The following MFAP2 variants were observed in gnomAD, a reference collection of about 807,000 sequenced individuals.
The protein encoded by MFAP2 is microfibrillar-associated protein 2.
In MFAP2, 23 loss-of-function variants were observed where a neutral mutation model predicts 30.6. The observed-to-expected ratio is 0.75, with a 90% CI of 0.54 to 1.07. MFAP2 has a LOEUF of 1.07. MFAP2 is among the 50% of genes least tolerant of loss of function. The pLI is 0.00. For synonymous variants in MFAP2, 73 were observed against 85.7 expected (o/e 0.85, Z 0.82); for missense variants, 198 against 223.8 (o/e 0.88, Z 0.74).
At chr1:16,980,829 C>G (rs2076633969), upstream of MFAP2, 1 of 152,754 alleles carries the variant, frequency 6.5e-6, no homozygotes, top group African/African-American at 2.4e-5. Flanking sequence ...CTGTGCAAAG[C>G]TTCCTCCTCC....
At position 16,975,404 on chromosome 1, in the gene MFAP2, C is replaced by T; in HGVS notation, c.375-62G>A. 6.4e-7 allele frequency: 1 copy of T among 1,566,818 alleles called. No homozygotes were observed. Among genetic ancestry groups the T allele is most frequent in the South Asian group, 1.1e-5 (1 of 87,696 alleles). On this transcript the variant is annotated intron_variant, in intron 7 of 8. Coordinates refer to ENST00000375535, the MANE Select transcript of MFAP2 (RefSeq NM_002403.4). The surrounding 1 kb of genome is among the most constrained non-coding windows in gnomAD (Gnocchi z 5.0). The stretch of plus-strand genomic sequence containing the variant: ...TCCACCCAATCCCACTGGGATAGCC[C>T]AGACAGAACCTGGCACGGGAGCCCG...
intron 1 of MFAP2, chr1:16,978,977 C>G (rs753055884): frequency 2.9e-4 from 44 of 152,358 alleles, no homozygotes; most frequent in Non-Finnish European, 4.8e-4. Flanking sequence ...CACAGGCTCA[C>G]GAGACCCGGG....
At position 16,975,810 on chromosome 1, in the gene MFAP2, G is replaced by T; in HGVS notation, c.287-80C>A. Reference sequence around the variant, plus strand: ...TCACCCACCTGAGGCTGGCTCACAGGGCCTAGTCCCCCCTGTACCTTCAGG... The same window carrying T: ...TCACCCACCTGAGGCTGGCTCACAGTGCCTAGTCCCCCCTGTACCTTCAGG... On this transcript the variant is annotated intron_variant, in intron 6 of 8. Coordinates refer to ENST00000375535, the MANE Select transcript of MFAP2 (RefSeq NM_002403.4). This position sits in a 1 kb window ranked among gnomAD's most constrained non-coding sequence, Gnocchi z 5.0. 1 of 1,241,608 alleles carries T rather than the reference G, an allele frequency of 8.1e-7. No homozygotes were observed. The highest frequency in any genetic ancestry group is 1.2e-6 in the Non-Finnish European group (1 of 862,256). The allele number at this position is 1,241,608 out of a possible 1,614,324, so 76.9% of individuals were successfully genotyped here.
At chr1:16,978,005 A>C (rs1570739730) in intron 2 of MFAP2, 1 of 499,164 alleles carries the variant, frequency 2.0e-6, no homozygotes, top group South Asian at 2.4e-5. Flanking sequence ...GCCCTCCAGA[A>C]CCCTGCCTGC....
At position 16,977,194 on chromosome 1, in the gene MFAP2, G is replaced by A. The variant is rs1417333263; in HGVS notation, c.42C>T (p.Gly14=). Reference sequence around the variant, plus strand: ...GGTCATACTGGCCCTGAGCCAGCAAGCCTGCTGTGGGGAGGCAAAGCATGT... The same window carrying A: ...GGTCATACTGGCCCTGAGCCAGCAAACCTGCTGTGGGGAGGCAAAGCATGT... The part of the protein sequence containing the change: ...AYLFLLFLPA[G]LLAQGQYDLD... The change falls in exon 3 of 9, where the codon GGC becomes GGT. Residue 14 remains glycine, a synonymous_variant. Transcript: ENST00000375535. 3.1e-6 allele frequency: 5 copies of A among 1,613,282 alleles called. No individual in the cohort carries two copies. Among genetic ancestry groups the A allele is most frequent in the African/African-American group, 1.3e-5 (1 of 74,916 alleles).
At chr1:16,980,952 C>T (rs2076634791), upstream of MFAP2, 1 of 152,836 alleles carries the variant, frequency 6.5e-6, no homozygotes, top group Non-Finnish European at 1.5e-5. Context: ...GTGACTCACC[C>T]TAGGCCCCTC....
intron 2 of MFAP2, 115 bp from the exon 3 acceptor site, chr1:16,977,313 C>G: frequency 1.1e-6 from 1 of 911,562 alleles, no homozygotes; most frequent in Non-Finnish European, 1.7e-6. Context: ...AGCCTAGGAC[C>G]CCACAAGCAG....
Position 16,975,186 on chromosome 1 carries a change from T to A in MFAP2, c.448+83A>T. ...GGCCTGGTGGATAATATGTGTTGAA[T>A]AAACATCAGGTGGGTGGCTAGGTGG... On this transcript the variant is annotated intron_variant, in intron 8 of 8. Coordinates refer to ENST00000375535, the MANE Select transcript of MFAP2 (RefSeq NM_002403.4). This position sits in a 1 kb window ranked among gnomAD's most constrained non-coding sequence, Gnocchi z 5.0. 7.2e-7 allele frequency: 1 copy of A among 1,391,400 alleles called. No individual in the cohort carries two copies. Among genetic ancestry groups the A allele is most frequent in the Non-Finnish European group, 1.0e-6 (1 of 990,792 alleles). The allele number at this position is 1,391,400 out of a possible 1,614,324, so 86.2% of individuals were successfully genotyped here. A position where few individuals can be genotyped will look rare whatever the true frequency, so the allele number is the denominator to read the frequency against.
rs778727924 is a variant in MFAP2, at chr1:16,975,674, T to G, written c.343A>C (p.Lys115Gln). The G allele has an allele frequency of 6.2e-7, 1 of 1,613,948 alleles. No homozygotes were observed. The highest frequency in any genetic ancestry group is 1.3e-5 in the African/African-American group (1 of 74,898). Residue 115 changes from lysine to glutamine, a missense_variant, in exon 7 of 9, where the codon AAA (lysine) becomes CAA (glutamine). Coordinates refer to ENST00000375535, the MANE Select transcript of MFAP2 (RefSeq NM_002403.4). This position sits in a 1 kb window ranked among gnomAD's most constrained non-coding sequence, Gnocchi z 5.0. ...TRLYSIHRPC[K>Q]QCLNEVCFYS... The stretch of plus-strand genomic sequence containing the variant: ...AAGCAGACCTCGTTGAGACACTGTT[T>G]GCAAGGCCTGTGTATGGAGTAGAGG...
At position 16,976,558 on chromosome 1, in the gene MFAP2, C is replaced by CA. The variant is rs2076593158; in HGVS notation, c.242-14dup. The stretch of plus-strand genomic sequence containing the variant: ...GCATTTCCTGGTTCTGGTGTGGAGA[C>CA]AGAGGTAGGCAGACATCACTGGGAG... On this transcript the variant is annotated splice_polypyrimidine_tract_variant and intron_variant, in intron 5 of 8. Coordinates refer to ENST00000375535, the MANE Select transcript of MFAP2 (RefSeq NM_002403.4). This position sits in a 1 kb window ranked among gnomAD's most constrained non-coding sequence, Gnocchi z 5.5. The CA allele has an allele frequency of 6.2e-7, 1 of 1,614,196 alleles. No individual in the cohort carries two copies. The highest frequency in any genetic ancestry group is 8.5e-7 in the Non-Finnish European group (1 of 1,180,026).
chr1:16,976,577 C>T lies in MFAP2; in HGVS notation c.242-32G>A, dbSNP rs1247799963. 11 of 1,614,154 alleles carry T rather than the reference C, an allele frequency of 6.8e-6. No individual in the cohort carries two copies. Among genetic ancestry groups the T allele is most frequent in the Non-Finnish European group, 5.9e-6 (7 of 1,180,008 alleles). On this transcript the variant is annotated intron_variant, in intron 5 of 8. Transcript: ENST00000375535. The surrounding 1 kb of genome is among the most constrained non-coding windows in gnomAD (Gnocchi z 5.5). ...TGGAGACAGAGGTAGGCAGACATCACTGGGAGGGGTCTCCTCAGGGCAAGG... is the reference window on the plus strand; with the variant it reads ...TGGAGACAGAGGTAGGCAGACATCATTGGGAGGGGTCTCCTCAGGGCAAGG...
Position 16,976,975 on chromosome 1 carries a change from C to T in MFAP2, c.128-52G>A, listed in dbSNP as rs528395099. 3 of 1,613,740 alleles carry T rather than the reference C, an allele frequency of 1.9e-6. No homozygotes were observed. The highest frequency in any genetic ancestry group is 2.5e-6 in the Non-Finnish European group (3 of 1,179,710). On this transcript the variant is annotated intron_variant, in intron 3 of 8. Transcript: ENST00000375535. This position sits in a 1 kb window ranked among gnomAD's most constrained non-coding sequence, Gnocchi z 5.5. The stretch of plus-strand genomic sequence containing the variant: ...GGTGGGAGTAAGGCTAATCCCCCAG[C>T]CCCTGGGGCAAACAAGTTCCCTCCT...
At position 16,976,598 on chromosome 1, in the gene MFAP2, C is replaced by T; in HGVS notation, c.242-53G>A. ...ATCACTGGGAGGGGTCTCCTCAGGG[C>T]AAGGGGAGTCACCTCTCCCAGCCCT... On this transcript the variant is annotated intron_variant, in intron 5 of 8. Coordinates refer to ENST00000375535, the MANE Select transcript of MFAP2 (RefSeq NM_002403.4). The surrounding 1 kb of genome is among the most constrained non-coding windows in gnomAD (Gnocchi z 5.5). 1 of 1,613,208 alleles carries T rather than the reference C, an allele frequency of 6.2e-7. No homozygotes were observed. Among genetic ancestry groups the T allele is most frequent in the Non-Finnish European group, 8.5e-7 (1 of 1,179,186 alleles).
upstream of MFAP2, among the ~76,000 whole-genome samples, chr1:16,981,083 C>T (rs1463555699): frequency 6.6e-6 from 1 of 152,196 alleles, no homozygotes; most frequent in Non-Finnish European, 1.5e-5. Context: ...CCGCACCCTC[C>T]TCTCCTACAC....
rs985018324 is a variant in MFAP2 at position 16,978,194 on chromosome 1, C to T, written c.37+43G>A. The T allele has an allele frequency of 2.6e-6, 4 of 1,550,550 alleles. No individual in the cohort carries two copies. The Admixed American group carries it at 5.9e-5, about 23-fold the overall frequency. On this transcript the variant is annotated intron_variant, in intron 2 of 8. Transcript: ENST00000375535. ...TCCCCCTACTAACCCTACTCCTCAG[C>T]CCCACATAAGAGGAGCTACCCCCTG...
chr1:16,975,136 G>A lies in MFAP2; in HGVS notation c.449-113C>T. 7.9e-7 allele frequency: 1 copy of A among 1,268,414 alleles called. No homozygotes were observed. The highest frequency in any genetic ancestry group is 1.1e-6 in the Non-Finnish European group (1 of 890,038). The allele number at this position is 1,268,414 out of a possible 1,614,324, so 78.6% of individuals were successfully genotyped here. The stretch of plus-strand genomic sequence containing the variant: ...TTTGAGGATGAAAAGTAGCAAGGAG[G>A]GGAGCTCAGGGTGTCCTGGAAGTGG... On this transcript the variant is annotated intron_variant, in intron 8 of 8. Coordinates refer to ENST00000375535, the MANE Select transcript of MFAP2 (RefSeq NM_002403.4). The surrounding 1 kb of genome is among the most constrained non-coding windows in gnomAD (Gnocchi z 5.0).
chr1:16,978,134 C>G (rs2076608181), intron 2 of MFAP2, 103 bp downstream of exon 2: 2 of 1,315,618 alleles, frequency 1.5e-6, no homozygotes, highest in African/African-American at 2.9e-5. Flanking sequence ...GAGCTGAGTT[C>G]TGGTCATAAG....
chr1:16,978,024 G>A (rs1226804551), intron 2 of MFAP2: 6 of 518,560 alleles, frequency 1.2e-5, no homozygotes, highest in Non-Finnish European at 2.1e-5. Context: ...GCCTGCTGCT[G>A]TGGAAGGCTG....
chr1:16,977,958 GT>G (rs1308327163), intron 2 of MFAP2: 3 of 401,112 alleles, frequency 7.5e-6, no homozygotes, highest in Non-Finnish European at 1.4e-5. Flanking sequence ...GAGAGGCCTT[GT>G]GCCTTGTGCC....
Sources: gnomAD v4.1 joint callset for allele counts (sites outside exome capture counted in the v4.1 genomes callset) on GRCh38, gnomAD v4.1.1 for gene constraint, Gnocchi (gnomAD v3.1) non-coding constraint, MANE v1.5 for transcripts, NCBI Gene and HGNC (gene_info 2026-07-23, HGNC 2026-07-21) for gene names.